Variants in TMC2 observed in about 807,000 individuals in gnomAD.
TMC2 encodes the protein transmembrane channel like 2.
In TMC2, 102 loss-of-function variants were observed where a neutral mutation model predicts 105.9. The ratio of observed to expected loss-of-function variants is 0.96; its 90% confidence interval spans 0.82 to 1.14. The LOEUF is 1.14. TMC2 is among the 50% of genes most tolerant of loss of function. TMC2 has a pLI of 0.00. For missense variants in TMC2, 1,093 were observed against 1,134.3 expected, an observed-to-expected ratio of 0.96 and a Z score of 0.52; for synonymous variants, 402 against 422.8, an observed-to-expected ratio of 0.95 and a Z score of 0.60.
At chr20:2,617,346 T>G in intron 16 of TMC2, 35 bp downstream of exon 16, 2 of 1,612,748 alleles carry the variant, frequency 1.2e-6, no homozygotes, top group Non-Finnish European at 1.7e-6. Flanking sequence ...GCACCTCCCC[T>G]CCCGAGGCAG....
chr20:2,612,556 T>A (rs1463480121), intron 13 of TMC2, among the ~76,000 whole-genome samples: 1 of 152,224 alleles, frequency 6.6e-6, no homozygotes, highest in African/African-American at 2.4e-5. Context: ...TTGTGATTGG[T>A]GTCTGGTAGA....
intron 5 of TMC2, among the ~76,000 whole-genome samples, chr20:2,573,436 AT>A (rs1395155537): frequency 6.6e-6 from 1 of 151,640 alleles, no homozygotes; most frequent in Non-Finnish European, 1.5e-5. Flanking sequence ...AAATGCGATC[AT>A]TTTTCAATTA....
At chr20:2,557,624 G>A (rs1230928782) in intron 2 of TMC2, among the ~76,000 whole-genome samples, 1 of 152,076 alleles carries the variant, frequency 6.6e-6, no homozygotes, top group African/African-American at 2.4e-5. Context: ...TCCACCTCCC[G>A]GGTTCAAGCG....
chr20:2,539,972 A>ATTCTTTTCTT (rs1242838485), intron 2 of TMC2, among the ~76,000 whole-genome samples: 1 of 142,022 alleles, frequency 7.0e-6, no homozygotes, highest in African/African-American at 2.6e-5. Flanking sequence ...ACACAAGACT[A>ATTCTTTTCTT]TTCTTTTCTT....
intron 4 of TMC2, among the ~76,000 whole-genome samples, chr20:2,567,667 G>T: frequency 6.6e-6 from 1 of 152,002 alleles, no homozygotes; most frequent in Non-Finnish European, 1.5e-5. Flanking sequence ...AAGACACTGG[G>T]ATCACAGACA....
chr20:2,636,673 G>A (rs1376396331), intron 18 of TMC2, among the ~76,000 whole-genome samples: 6 of 152,074 alleles, frequency 3.9e-5, no homozygotes, highest in African/African-American at 1.4e-4. Flanking sequence ...CACCAGGCTG[G>A]AGTGCAGTGG....
At chr20:2,570,584 T>G (rs1192146757) in intron 4 of TMC2, among the ~76,000 whole-genome samples, 1 of 152,044 alleles carries the variant, frequency 6.6e-6, no homozygotes, top group Non-Finnish European at 1.5e-5. Flanking sequence ...CTGAAAGCAA[T>G]CTACAGATTC....
In TMC2 at chr20:2,602,216, G is replaced by C. The variant is rs201730922; in HGVS notation, c.1328G>C (p.Gly443Ala). The C allele has an allele frequency of 6.8e-6, 11 of 1,613,728 alleles. No individual in the cohort carries two copies. In the Admixed American group the frequency reaches 1.7e-4, roughly 24 times the overall value. Residue 443 changes from glycine (G) to alanine (A), a missense_variant, in exon 11 of 20, where the codon GGA becomes GCA. Physicochemically the swap from Gly to Ala is moderately conservative, Grantham distance 60 (BLOSUM62 0). Transcript: ENST00000358864. ...TTTCTCATCATCTGCTGTTTGTGTG[G>C]AAGTGGGTACCTCATTTACTTTGTG... ...ANFLIICCLC[G>A]SGYLIYFVVK...
At chr20:2,541,892 GCA>G (rs2085892233) in intron 2 of TMC2, among the ~76,000 whole-genome samples, 1 of 54,876 alleles carries the variant, frequency 1.8e-5, no homozygotes, top group Admixed American at 2.2e-4. Context: ...TAGTAAAACT[GCA>G]TTTTCCGCCG....
Position 2,539,439 on chromosome 20 carries a change from C to A in TMC2, c.82+2123C>A, listed in dbSNP as rs76570126. Among the ~76,000 whole-genome samples the A allele has an allele frequency of 2.2e-3, 329 of 152,246 alleles. 1 individual carries two copies. The highest frequency in any genetic ancestry group is 7.2e-3 in the African/African-American group (301 of 41,526). On this transcript the variant is annotated intron_variant, in intron 2 of 19. Transcript: ENST00000358864. ...TATATCTACAGTGCTGGGAAGTATG[C>A]TTGGTACAGTTCATTACCACAATGA...
At chr20:2,543,802 A>C in intron 2 of TMC2, among the ~76,000 whole-genome samples, 3 of 152,190 alleles carry the variant, frequency 2.0e-5, no homozygotes, top group Admixed American at 2.0e-4. Flanking sequence ...GTCAATCTAG[A>C]TATTCACCAG....
At chr20:2,570,068 G>A (rs1160127246) in intron 4 of TMC2, among the ~76,000 whole-genome samples, 2 of 152,072 alleles carry the variant, frequency 1.3e-5, no homozygotes, top group Non-Finnish European at 2.9e-5. Flanking sequence ...CTTAAGAACT[G>A]GAACAAGACA....
intron 2 of TMC2, among the ~76,000 whole-genome samples, chr20:2,545,906 A>AAGAAAG (rs139456092): frequency 0.013 from 1,804 of 143,596 alleles, 44 homozygotes; most frequent in African/African-American, 0.044. Flanking sequence ...GAAAGAAAGA[A>AAGAAAG]AAAAAGAAAG....
At chr20:2,563,498 C>T (rs763387013) in intron 4 of TMC2, among the ~76,000 whole-genome samples, 13 of 151,986 alleles carry the variant, frequency 8.6e-5, no homozygotes, top group Non-Finnish European at 1.3e-4. Context: ...TTAGTGTAAC[C>T]GAAAAACTGA....
Position 2,612,345 on chromosome 20 carries a change from G to A in TMC2, c.1743+5G>A. ...TGGGAGACAGCTGTGGGCATTGTGA[G>A]TAGTTACACTCTCTAAAAAGGTGAC... On this transcript the variant is annotated splice_donor_5th_base_variant and intron_variant, in intron 13 of 19. Transcript: ENST00000358864. 3 of 1,560,086 alleles carry A rather than the reference G, an allele frequency of 1.9e-6. No individual in the cohort carries two copies. Among genetic ancestry groups the A allele is most frequent in the Non-Finnish European group, 2.6e-6 (3 of 1,144,240 alleles).
chr20:2,640,891 A>G (rs563050264), intron 19 of TMC2, among the ~76,000 whole-genome samples: 1 of 152,152 alleles, frequency 6.6e-6, no homozygotes, highest in East Asian at 1.9e-4. Context: ...GGGATCAGAG[A>G]GTCTAGCCTA....
intron 16 of TMC2, 110 bp from the exon 17 acceptor site, chr20:2,624,161 A>G: frequency 8.3e-7 from 1 of 1,200,172 alleles, no homozygotes; most frequent in Non-Finnish European, 1.2e-6. Flanking sequence ...TTCTTCCAGG[A>G]AAGCAGTGGC....
chr20:2,617,363 C>T (rs372061549), intron 16 of TMC2, 52 bp downstream of exon 16: 6 of 1,606,096 alleles, frequency 3.7e-6, no homozygotes, highest in East Asian at 2.2e-5. Context: ...GCAGTCTGCT[C>T]AGAGGGCCTC....
At chr20:2,604,319 G>C (rs918547449) in intron 11 of TMC2, among the ~76,000 whole-genome samples, 2 of 152,188 alleles carry the variant, frequency 1.3e-5, no homozygotes, top group African/African-American at 4.8e-5. Context: ...GGAAATACCA[G>C]GCAGCAGCAG....
Sources: gnomAD v4.1 joint callset for allele counts (sites outside exome capture counted in the v4.1 genomes callset) on GRCh38, gnomAD v4.1.1 for gene constraint, MANE v1.5 for transcripts, NCBI Gene and HGNC (gene_info 2026-07-23, HGNC 2026-07-21) for gene names.